IRX4: variants seen among roughly 807,000 people sequenced by gnomAD.
IRX4 encodes the protein iroquois-class homeodomain protein IRX-4.
IRX4 carries 22 observed loss-of-function variants against 32.0 expected under a neutral mutation model. That is an observed-to-expected ratio of 0.69 (90% CI 0.49 to 0.98). The LOEUF (loss-of-function observed/expected upper bound fraction) is 0.98. Ranked by LOEUF, IRX4 falls within the 50% of genes least tolerant of loss-of-function variation. The pLI is 0.00. For missense variants in IRX4, 840 were observed against 744.2 expected (o/e 1.13, Z -1.50); for synonymous variants, 379 against 351.7 (o/e 1.08, Z -0.87).
At position 1,879,919 on chromosome 5, in the gene IRX4, T is replaced by C. The variant is rs759157771; in HGVS notation, c.408-87A>G. The C allele has an allele frequency of 1.4e-5, 22 of 1,571,946 alleles. No individual in the cohort carries two copies. The African/African-American group carries it at 1.9e-4, about 14-fold the overall frequency. On this transcript the variant is annotated intron_variant, in intron 3 of 4. Transcript: ENST00000231357. ...TAGGGGTGGGGGTCGGCCAGGGGCATGCCAGGATGGGCTTTGCTTCCCCGT... is the reference window on the plus strand; with the variant it reads ...TAGGGGTGGGGGTCGGCCAGGGGCACGCCAGGATGGGCTTTGCTTCCCCGT...
chr5:1,882,146 G>C, intron 1 of IRX4, 87 bp from the exon 2 acceptor site: 1 of 1,456,792 alleles, frequency 6.9e-7, no homozygotes, highest in Non-Finnish European at 9.0e-7. Context: ...CCGCCCACGA[G>C]GGCGTGCCCC....
At chr5:1,884,477 C>T (rs964514383), upstream of IRX4, 1 of 152,242 alleles carries the variant, frequency 6.6e-6, no homozygotes, top group Non-Finnish European at 1.5e-5. Flanking sequence ...CTTTAATTTA[C>T]AGATGAAAAT....
upstream of IRX4, among the ~76,000 whole-genome samples, chr5:1,883,512 A>G (rs1735527520): frequency 6.6e-6 from 1 of 152,204 alleles, no homozygotes; most frequent in Non-Finnish European, 1.5e-5. Flanking sequence ...TGCGGCCGCA[A>G]GACAGCCCGC....
upstream of IRX4, among the ~76,000 whole-genome samples, chr5:1,883,736 C>T (rs1176788701): frequency 1.3e-5 from 2 of 152,254 alleles, no homozygotes; most frequent in African/African-American, 4.8e-5. Flanking sequence ...CCCACCTCGC[C>T]TCCCCGACTT....
At position 1,878,034 on chromosome 5, in the gene IRX4, C is replaced by T. The variant is rs1037564387; in HGVS notation, c.1495G>A (p.Ala499Thr). 17 of 1,508,726 alleles carry T rather than the reference C, an allele frequency of 1.1e-5. No individual in the cohort carries two copies. Among genetic ancestry groups the T allele is most frequent in the Middle Eastern group, 2.0e-4 (1 of 4,968 alleles). The allele number at this position is 1,508,726 out of a possible 1,614,324, so 93.5% of individuals were successfully genotyped here. ...FPPAVPQDAP[A>T]AGAARELLAL... ...AGCAGCTCCCTGGCGGCGCCTGCAG[C>T]TGGGGCGTCCTGGGGCACGGCAGGC... The change falls in exon 5 of 5, where the codon GCT (alanine) becomes ACT (threonine). Residue 499 changes from alanine to threonine, a missense_variant. This residue lies in a region of IRX4 where 585 missense variants were observed against 488.0 expected (regional missense o/e 1.20). Coordinates refer to ENST00000231357, the MANE Select transcript of IRX4 (RefSeq NM_016358.3).
intron 4 of IRX4, among the ~76,000 whole-genome samples, chr5:1,879,092 G>C (rs573679510): frequency 0.012 from 1,799 of 150,956 alleles, 36 homozygotes; most frequent in African/African-American, 0.042. Flanking sequence ...CCAGGGTTCA[G>C]GGCATTCTCC....
Position 1,878,094 on chromosome 5 carries a change from T to C in IRX4, c.1435A>G (p.Asn479Asp). The change falls in exon 5 of 5, where the codon AAC becomes GAC. Residue 479 changes from asparagine (N) to aspartate (D), a missense_variant. Physicochemically the swap from Asn to Asp is conservative, Grantham distance 23. This residue lies in a region of IRX4 where 585 missense variants were observed against 488.0 expected (regional missense o/e 1.20). Transcript: ENST00000231357. ...CGGGCCAGGGGTGCAGTCAGCACGT[T>C]CGCGCCCGCCCCCAGCGAGCGTCCC... ...PLGRSLGAGA[N>D]VLTAPLARAF... 3 of 1,533,380 alleles carry C rather than the reference T, an allele frequency of 2.0e-6. No homozygotes were observed. The highest frequency in any genetic ancestry group is 2.6e-6 in the Non-Finnish European group (3 of 1,145,540). The allele number at this position is 1,533,380 out of a possible 1,614,324, so 95.0% of individuals were successfully genotyped here.
chr5:1,879,730 G>A lies in IRX4; in HGVS notation c.510C>T (p.Pro170=), dbSNP rs1420059343. The A allele has an allele frequency of 5.6e-6, 9 of 1,614,258 alleles. No homozygotes were observed. Among genetic ancestry groups the A allele is most frequent in the Admixed American group, 1.7e-5 (1 of 60,032 alleles). Residue 170 remains proline (P), a synonymous_variant, in exon 4 of 5, where the codon CCC becomes CCT. Coordinates refer to ENST00000231357, the MANE Select transcript of IRX4 (RefSeq NM_016358.3). ...CCAGCATGATCTTCTCGCCCTTGGT[G>A]GGGTAGGGGTTCTTGCGGTGCTCCT... ...WLQEHRKNPY[P]TKGEKIMLAI...
chr5:1,880,799 C>G lies in IRX4; in HGVS notation c.333G>C (p.Ala111=). The change falls in exon 3 of 5, where the codon GCG becomes GCC. Residue 111 remains alanine (A), a synonymous_variant. Coordinates refer to ENST00000231357, the MANE Select transcript of IRX4 (RefSeq NM_016358.3). The stretch of plus-strand genomic sequence containing the variant: ...CAGCGGCTGGTGCCAGGCCCCCATG[C>G]GCAGATCCCGAACCATCCTTGGAAT... ...SFDSKDGSGS[A]HGGLAPAAAA... 1 of 1,613,696 alleles carries G rather than the reference C, an allele frequency of 6.2e-7. No individual in the cohort carries two copies. Among genetic ancestry groups the G allele is most frequent in the Non-Finnish European group, 8.5e-7 (1 of 1,179,980 alleles).
chr5:1,879,840 C>T lies in IRX4; in HGVS notation c.408-8G>A, dbSNP rs1298766775. The T allele has an allele frequency of 1.9e-6, 3 of 1,613,488 alleles. No individual in the cohort carries two copies. The highest frequency in any genetic ancestry group is 2.2e-5 in the South Asian group (2 of 91,074). On this transcript the variant is annotated splice_polypyrimidine_tract_variant and splice_region_variant and intron_variant, in intron 3 of 4. Coordinates refer to ENST00000231357, the MANE Select transcript of IRX4 (RefSeq NM_016358.3). The stretch of plus-strand genomic sequence containing the variant: ...CTGTCCATGGTTCCATACCTGGAGA[C>T]AGGCTCTGCAATGGGCTCAGGCTGG...
chr5:1,881,073 GGGGGA>G, intron 2 of IRX4: 3 of 367,284 alleles, frequency 8.2e-6, no homozygotes, highest in Non-Finnish European at 1.0e-5. Context: ...GGGGGGGCGG[GGGGGA>G]GGAGGTGCAG....
Position 1,881,820 on chromosome 5 carries a change from G to C in IRX4, c.285C>G (p.Ala95=), listed in dbSNP as rs376225763. 33 of 1,565,200 alleles carry C rather than the reference G, an allele frequency of 2.1e-5. No homozygotes were observed. The African/African-American group carries it at 4.2e-4, about 20-fold the overall frequency. ...ATGCCCCACTTACCAGCGAGTAGAA[G>C]GCGGACGCCTCCGAGCCGTAGGTCA... ...NYVTYGSEAS[A]FYSLNSFDSK... Residue 95 remains alanine, a synonymous_variant, in exon 2 of 5, where the codon GCC becomes GCG. Transcript: ENST00000231357.
chr5:1,878,795 G>A lies in IRX4; in HGVS notation c.737-3C>T, dbSNP rs1178406427. 2 of 1,613,042 alleles carry A rather than the reference G, an allele frequency of 1.2e-6. No individual in the cohort carries two copies. The highest frequency in any genetic ancestry group is 2.7e-5 in the African/African-American group (2 of 74,944). ...CTTCTCCTCTTTGCCCACGGGCTCTGCGGGAGAGAATGCGTGGCCAGTGGA... is the reference window on the plus strand; with the variant it reads ...CTTCTCCTCTTTGCCCACGGGCTCTACGGGAGAGAATGCGTGGCCAGTGGA... On this transcript the variant is annotated splice_polypyrimidine_tract_variant and splice_region_variant and intron_variant, in intron 4 of 4. Transcript: ENST00000231357.
rs748763541 is a variant in IRX4, at chr5:1,879,523, G to C, written c.717C>G (p.Leu239=). 3 of 1,613,230 alleles carry C rather than the reference G, an allele frequency of 1.9e-6. No individual in the cohort carries two copies. Among genetic ancestry groups the C allele is most frequent in the Non-Finnish European group, 2.5e-6 (3 of 1,180,020 alleles). Residue 239 remains leucine (L), a synonymous_variant, in exon 4 of 5, where the codon CTC becomes CTG. Coordinates refer to ENST00000231357, the MANE Select transcript of IRX4 (RefSeq NM_016358.3). ...ACCCACCTGCGTTCTTGGAGCTCTT[G>C]AGGGGCTCCTCCCGCGCCTCCTCCT... ...GGEEEAREEP[L]KSSKNAEPVG...
chr5:1,879,127 GACTACAGGCGCC>G (rs1735332018), intron 4 of IRX4, among the ~76,000 whole-genome samples: 1 of 152,010 alleles, frequency 6.6e-6, no homozygotes, highest in African/African-American at 2.4e-5. Flanking sequence ...GAGTAGCTGG[GACTACAGGCGCC>G]CGCCACCACG....
chr5:1,878,029 T>G lies in IRX4; in HGVS notation c.1500A>C (p.Ala500=), dbSNP rs1156888677. ...GGGCGAGCAGCTCCCTGGCGGCGCC[T>G]GCAGCTGGGGCGTCCTGGGGCACGG... ...PPAVPQDAPA[A]GAARELLALP... Residue 500 remains alanine (A), a synonymous_variant, in exon 5 of 5, where the codon GCA becomes GCC. Coordinates refer to ENST00000231357, the MANE Select transcript of IRX4 (RefSeq NM_016358.3). The G allele has an allele frequency of 6.6e-7, 1 of 1,508,130 alleles. No homozygotes were observed. The highest frequency in any genetic ancestry group is 2.1e-5 in the Admixed American group (1 of 48,284). The allele number at this position is 1,508,130 out of a possible 1,614,324, so 93.4% of individuals were successfully genotyped here.
At chr5:1,878,965 G>T (rs1393938004) in intron 4 of IRX4, among the ~76,000 whole-genome samples, 173 bp from the exon 5 acceptor site, 1 of 152,046 alleles carries the variant, frequency 6.6e-6, no homozygotes, top group Non-Finnish European at 1.5e-5. Context: ...TGGCAACACA[G>T]GGGCCTCCAA....
In IRX4 at chr5:1,881,970, C is replaced by G. The variant is rs765482336; in HGVS notation, c.135G>C (p.Ala45=). The G allele has an allele frequency of 1.3e-5, 21 of 1,555,754 alleles. No individual in the cohort carries two copies. Among genetic ancestry groups the G allele is most frequent in the Non-Finnish European group, 1.7e-5 (19 of 1,150,226 alleles). The change falls in exon 2 of 5, where the codon GCG becomes GCC. Residue 45 remains alanine, a synonymous_variant. Transcript: ENST00000231357. ...TCTCGTAGACCGGGCAGTAGACCGG[C>G]GCCTGGGCCGAGGCGGCGGGCCCGG... The part of the protein sequence containing the change: ...ADSGPAASAQ[A]PVYCPVYESR...
chr5:1,883,741 C>A (rs1052112752), upstream of IRX4, among the ~76,000 whole-genome samples: 3 of 152,254 alleles, frequency 2.0e-5, no homozygotes, highest in South Asian at 6.2e-4. Context: ...CTCGCCTCCC[C>A]GACTTTCCTC....
Sources: allele counts gnomAD v4.1 joint callset (sites outside exome capture counted in the v4.1 genomes callset), GRCh38; gene constraint gnomAD v4.1.1; regional missense constraint gnomAD v4.1.1; transcripts MANE v1.5; gene names NCBI Gene and HGNC (gene_info 2026-07-23, HGNC 2026-07-21).